The following CHD4 variants were observed in gnomAD, a reference collection of about 807,000 sequenced individuals.
CHD4 encodes ATP-dependent chromatin remodeler CHD4.
In CHD4, 35 loss-of-function variants were observed where a neutral mutation model predicts 235.5. The ratio of observed to expected loss-of-function variants is 0.15; its 90% CI spans 0.11 to 0.20. The LOEUF (loss-of-function observed/expected upper bound fraction) is 0.20. CHD4 is among the 10% of genes least tolerant of loss of function. CHD4 has a pLI of 1.00. For missense variants in CHD4, 1,329 were observed against 2,432.3 expected (o/e 0.55, Z 9.54); for synonymous variants, 900 against 850.2 (o/e 1.06, Z -1.02).
chr12:6,586,882 G>A (rs906656760), intron 25 of CHD4: 1 of 152,424 alleles, frequency 6.6e-6, no homozygotes, highest in African/African-American at 2.4e-5. Flanking sequence ...ATTTTTAGTA[G>A]AAACGGGGTT....
intron 25 of CHD4, among the ~76,000 whole-genome samples, chr12:6,586,372 G>T (rs1333003142): frequency 6.6e-6 from 1 of 152,150 alleles, no homozygotes; most frequent in Non-Finnish European, 1.5e-5. Context: ...CTGCACTCCA[G>T]CCTGGGGGAG....
Position 6,601,346 on chromosome 12 carries a change from G to A in CHD4, c.742C>T (p.Pro248Ser). ...GGCACCTCCACAGGGGGAGGTGGTG[G>A]TGCAACCTCAGTGGCTGTCACCATG... ...ESMVTATEVA[P>S]PPPPVEVPIR... is the part of the protein sequence containing the mutation. The change falls in exon 6 of 40, where the codon CCA becomes TCA. Residue 248 changes from proline (P) to serine (S), a missense_variant. Transcript: ENST00000544040. The A allele has an allele frequency of 6.2e-7, 1 of 1,614,062 alleles. No homozygotes were observed. The highest frequency in any genetic ancestry group is 1.1e-5 in the South Asian group (1 of 91,080).
chr12:6,601,698 C>T lies in CHD4; in HGVS notation c.507G>A (p.Glu169=). Residue 169 remains glutamate (E), a synonymous_variant, in exon 5 of 40, where the codon GAG becomes GAA. Transcript: ENST00000544040. ...GMEDIDHVFS[E]EDYRTLTNYK... ...AGTTGGTGAGGGTTCGATAATCCTC[C>T]TCTGAGAACACGTGGTCAATGTCTT... 2.0e-5 allele frequency: 32 copies of T among 1,614,196 alleles called. No homozygotes were observed. Among genetic ancestry groups the T allele is most frequent in the Non-Finnish European group, 2.7e-5 (32 of 1,180,042 alleles).
Position 6,570,695 on chromosome 12 carries a change from T to TAG in CHD4, c.5722-4_5722-3dup. ...GCATCTTCACTGCTGCTGGGCTACC[T>TAG]AGAGAAGGAGACCCGAGGAGTCAGA... On this transcript the variant is annotated splice_region_variant and splice_polypyrimidine_tract_variant and intron_variant, in intron 39 of 39. Coordinates refer to ENST00000544040, the MANE Select transcript of CHD4 (RefSeq NM_001273.5). The TAG allele has an allele frequency of 6.2e-7, 1 of 1,614,092 alleles. No homozygotes were observed. Among genetic ancestry groups the TAG allele is most frequent in the Non-Finnish European group, 8.5e-7 (1 of 1,179,988 alleles).
intron 29 of CHD4, 81 bp downstream of exon 29, chr12:6,582,534 G>T: frequency 6.6e-7 from 1 of 1,519,250 alleles, no homozygotes; most frequent in Non-Finnish European, 8.8e-7. Context: ...TCCCTGCACG[G>T]CTAGGCCTAG....
chr12:6,597,789 A>C, intron 12 of CHD4, 105 bp downstream of exon 12: 2 of 1,040,636 alleles, frequency 1.9e-6, no homozygotes, highest in South Asian at 1.4e-5. Flanking sequence ...AACAAAAAAA[A>C]CCAGTGTCTT....
In CHD4 at chr12:6,602,473, T is replaced by C. The variant is rs746282447; in HGVS notation, c.125A>G (p.Asp42Gly). 6.2e-7 allele frequency: 1 copy of C among 1,613,806 alleles called. No homozygotes were observed. The change falls in exon 3 of 40, where the codon GAT (aspartate) becomes GGT (glycine). Residue 42 changes from aspartate to glycine, a missense_variant. By Grantham distance (94) the Asp-to-Gly change is moderately conservative. Transcript: ENST00000544040. ...HPENEEDPEE[D>G]LSETETPKLK... ...CTTTGGAGTCTCTGTTTCTGACAAA[T>C]CCTCTTCTGGGTCCTCTTCATTTTC...
intron 14 of CHD4, among the ~76,000 whole-genome samples, 199 bp downstream of exon 14, chr12:6,595,135 T>C (rs1004505809): frequency 6.6e-6 from 1 of 152,140 alleles, no homozygotes; most frequent in East Asian, 1.9e-4. Flanking sequence ...TTTTTTTTTT[T>C]CTGATGACAA....
chr12:6,601,261 C>T (rs1027166459), intron 6 of CHD4, 28 bp downstream of exon 6: 3 of 1,608,878 alleles, frequency 1.9e-6, no homozygotes, highest in East Asian at 2.2e-5. Context: ...CACTAGACAC[C>T]CCCACTCCCA....
chr12:6,595,289 C>T, intron 14 of CHD4, 45 bp downstream of exon 14: 3 of 1,485,590 alleles, frequency 2.0e-6, no homozygotes, highest in Non-Finnish European at 2.8e-6. Context: ...AGCAAAGATA[C>T]ATTGTCCTAC....
At chr12:6,582,810 C>A (rs1948219100) in intron 28 of CHD4, 38 bp downstream of exon 28, 2 of 1,613,882 alleles carry the variant, frequency 1.2e-6, no homozygotes, top group Admixed American at 3.3e-5. Context: ...GATGCAATAT[C>A]TGACACTCAC....
At chr12:6,574,149 T>C (rs1270019393) in intron 37 of CHD4, among the ~76,000 whole-genome samples, 2 of 152,188 alleles carry the variant, frequency 1.3e-5, no homozygotes, top group Non-Finnish European at 2.9e-5. Flanking sequence ...TTTGTGTAGG[T>C]TTTTAAAAAC....
intron 29 of CHD4, 106 bp downstream of exon 29, chr12:6,582,509 A>G: frequency 4.0e-6 from 6 of 1,483,348 alleles, no homozygotes; most frequent in Non-Finnish European, 5.4e-6. Context: ...ACTTCAACAG[A>G]GAAAATAGCC....
rs1309662556 is a variant in CHD4, at chr12:6,594,487, G to A, written c.2285C>T (p.Ala762Val). The stretch of plus-strand genomic sequence containing the variant: ...CTTGTAAAGGGAATACAGGAAGACT[G>A]CTGTCTGTACAGTTTTCCCAAGGCC... ...EMGLGKTVQT[A>V]VFLYSLYKEG... The change falls in exon 15 of 40, where the codon GCA (alanine) becomes GTA (valine). Residue 762 changes from alanine to valine, a missense_variant. This residue lies in a region of CHD4 where 78 missense variants were observed against 174.8 expected (regional missense o/e 0.45). Coordinates refer to ENST00000544040, the MANE Select transcript of CHD4 (RefSeq NM_001273.5). 6.2e-7 allele frequency: 1 copy of A among 1,612,674 alleles called. No homozygotes were observed.
At chr12:6,581,509 C>T (rs1565604881) in intron 31 of CHD4, 121 bp from the exon 32 acceptor site, 3 of 1,511,728 alleles carry the variant, frequency 2.0e-6, no homozygotes, top group Non-Finnish European at 1.8e-6. Context: ...CAGCCCTATT[C>T]TTAGGACGGC....
chr12:6,588,252 T>C, intron 23 of CHD4, 46 bp downstream of exon 23: 5 of 1,598,790 alleles, frequency 3.1e-6, no homozygotes, highest in Non-Finnish European at 4.3e-6. Context: ...TATGCCTTTC[T>C]AGCATAACAT....
In CHD4 at chr12:6,582,330, T is replaced by TA. The variant is rs774960116; in HGVS notation, c.4371-50dup. 17 of 1,512,330 alleles carry TA rather than the reference T, an allele frequency of 1.1e-5. No homozygotes were observed. The African/African-American group carries it at 2.1e-4, about 19-fold the overall frequency. The allele number at this position is 1,512,330 out of a possible 1,614,324, so 93.7% of individuals were successfully genotyped here. ...GTTAAATAGGGATCATGCTGACTCT[T>TA]AGATTCTTTTCCATCCCTTCGTGAG... On this transcript the variant is annotated intron_variant, in intron 29 of 39. Transcript: ENST00000544040.
intron 22 of CHD4, among the ~76,000 whole-genome samples, chr12:6,589,132 C>T (rs1473568895): frequency 2.0e-5 from 3 of 152,140 alleles, no homozygotes; most frequent in Admixed American, 2.0e-4. Flanking sequence ...GTAATCCCAG[C>T]TACTCGGGAG....
Position 6,582,249 on chromosome 12 carries a change from C to A in CHD4, c.4403G>T (p.Cys1468Phe). The A allele has an allele frequency of 6.3e-7, 1 of 1,596,736 alleles. No individual in the cohort carries two copies. The highest frequency in any genetic ancestry group is 8.5e-7 in the Non-Finnish European group (1 of 1,172,988). ...CTCAGCCCCATCTGCCCCCGGCTCA[C>A]ATAAATGCCGCATGAAAAGAGAGAC... Reference protein sequence around the residue: ...AYVSLFMRHLCEPGADGAETF... With the variant: ...AYVSLFMRHLFEPGADGAETF... Residue 1468 changes from cysteine (C) to phenylalanine (F), a missense_variant, in exon 30 of 40, where the codon TGT becomes TTT. Physicochemically the swap from Cys to Phe is radical, Grantham distance 205. Around this residue, in one of 26 missense-constraint regions of CHD4, gnomAD observed 48 missense variants for 109.6 expected, o/e 0.44. Coordinates refer to ENST00000544040, the MANE Select transcript of CHD4 (RefSeq NM_001273.5).
Sources: allele counts gnomAD v4.1 joint callset (sites outside exome capture counted in the v4.1 genomes callset), GRCh38; gene constraint gnomAD v4.1.1; regional missense constraint gnomAD v4.1.1; transcripts MANE v1.5; gene names NCBI Gene and HGNC (gene_info 2026-07-23, HGNC 2026-07-21).